THSD7B: variants seen among roughly 807,000 people sequenced by gnomAD.
The protein encoded by THSD7B is thrombospondin type-1 domain-containing protein 7B.
Under a neutral mutation model 213.6 loss-of-function variants are expected in THSD7B, and 138 were observed. The observed-to-expected ratio is 0.65, with a 90% confidence interval of 0.56 to 0.74. The LOEUF (loss-of-function observed/expected upper bound fraction) is 0.74. THSD7B is among the 30% of genes least tolerant of loss of function. The pLI, the probability that THSD7B is intolerant of heterozygous loss-of-function variation, is 0.00. For missense variants in THSD7B, 1,931 were observed against 1,991.5 expected (o/e 0.97, Z 0.58); for synonymous variants, 742 against 687.0 (o/e 1.08, Z -1.25).
intron 12 of THSD7B, among the ~76,000 whole-genome samples, chr2:137,295,699 C>A (rs938485537): frequency 2.0e-5 from 3 of 152,070 alleles, no homozygotes; most frequent in Non-Finnish European, 1.5e-5. Context: ...TGGTCTTGAT[C>A]TCCTGATCTC....
intron 5 of THSD7B, among the ~76,000 whole-genome samples, chr2:137,140,717 A>G (rs1175214639): frequency 2.0e-5 from 3 of 152,170 alleles, no homozygotes; most frequent in Non-Finnish European, 1.5e-5. Context: ...TTTTATGATA[A>G]GAACTGTTTT....
chr2:137,272,712 C>G (rs566404839), intron 11 of THSD7B, 50 bp downstream of exon 11: 46 of 1,575,072 alleles, frequency 2.9e-5, no homozygotes, highest in Non-Finnish European at 3.5e-5. Context: ...TAAATTATAA[C>G]CTATTTTCTT....
Position 137,444,677 on chromosome 2 carries a change from T to A in THSD7B, c.2960-6168T>A, listed in dbSNP as rs558557308. Among the ~76,000 whole-genome samples, 1,333 of 151,892 alleles carry A rather than the reference T, an allele frequency of 8.8e-3. 14 individuals are homozygous for A. The highest frequency in any genetic ancestry group is 0.031 in the African/African-American group (1,268 of 41,492). ...AACTATAAAACTACTAAAAGAAAAC[T>A]TTGGGAAAATGCTCCAGGACATTGG... On this transcript the variant is annotated intron_variant, in intron 14 of 27. Transcript: ENST00000409968.
rs1284778769 is a variant in THSD7B, at chr2:137,618,432, T to C, written c.3606T>C (p.Gly1202=). 5 of 1,613,736 alleles carry C rather than the reference T, an allele frequency of 3.1e-6. No homozygotes were observed. The South Asian group carries it at 5.5e-5, about 18-fold the overall frequency. The change falls in exon 19 of 28, where the codon GGT becomes GGC. Residue 1202 remains glycine, a synonymous_variant. Coordinates refer to ENST00000409968, the MANE Select transcript of THSD7B (RefSeq NM_001316349.2). The stretch of plus-strand genomic sequence containing the variant: ...AGCTGAGTGAAAACGCACCCTGTGG[T>C]CAAGGCGTCAGGACCCGCCTGCTAA... ...TCQLSENAPC[G]QGVRTRLLSC...
intron 2 of THSD7B, among the ~76,000 whole-genome samples, chr2:136,935,605 T>C (rs992818898): frequency 1.3e-5 from 2 of 152,086 alleles, no homozygotes; most frequent in Non-Finnish European, 2.9e-5. Flanking sequence ...AATCCATGGA[T>C]TAAAAGACAT....
chr2:136,879,849 A>G (rs962893912), intron 1 of THSD7B, among the ~76,000 whole-genome samples: 6 of 152,190 alleles, frequency 3.9e-5, no homozygotes, highest in African/African-American at 1.4e-4. Context: ...TAAACCAACA[A>G]AGATCAAAAG....
chr2:137,195,792 A>C (rs969953544), intron 7 of THSD7B, among the ~76,000 whole-genome samples: 1 of 152,196 alleles, frequency 6.6e-6, no homozygotes, highest in Non-Finnish European at 1.5e-5. Flanking sequence ...GTCAGGCAAG[A>C]ATCATCAACG....
chr2:137,005,885 T>C (rs1686097605), intron 2 of THSD7B, among the ~76,000 whole-genome samples: 2 of 152,206 alleles, frequency 1.3e-5, no homozygotes, highest in Admixed American at 6.5e-5. Flanking sequence ...AAAACTCATT[T>C]AACATTTTAT....
At chr2:137,501,163 C>G (rs1241928771) in intron 15 of THSD7B, among the ~76,000 whole-genome samples, 1 of 152,106 alleles carries the variant, frequency 6.6e-6, no homozygotes, top group African/African-American at 2.4e-5. Flanking sequence ...AATCATAAAA[C>G]TAAACATTCA....
intron 17 of THSD7B, among the ~76,000 whole-genome samples, chr2:137,587,535 T>C (rs564082479): frequency 6.6e-6 from 1 of 152,348 alleles, no homozygotes; most frequent in Non-Finnish European, 1.5e-5. Flanking sequence ...CCTTTCTGTT[T>C]GTTAGTTTTC....
intron 12 of THSD7B, among the ~76,000 whole-genome samples, chr2:137,352,246 C>T (rs1685030999): frequency 6.6e-6 from 1 of 151,666 alleles, no homozygotes; most frequent in South Asian, 2.1e-4. Flanking sequence ...CTTTTCAGGG[C>T]AAGAAAAATC....
At chr2:137,574,046 A>G (rs189556070) in intron 17 of THSD7B, among the ~76,000 whole-genome samples, 1 of 152,264 alleles carries the variant, frequency 6.6e-6, no homozygotes, top group Non-Finnish European at 1.5e-5. Context: ...ATCAACCTAT[A>G]GAAGAATTAG....
intron 12 of THSD7B, among the ~76,000 whole-genome samples, chr2:137,390,733 T>C (rs1686005193): frequency 6.6e-6 from 1 of 152,210 alleles, no homozygotes; most frequent in Admixed American, 6.5e-5. Flanking sequence ...TTGAGAGTTT[T>C]TATTATGAAG....
At chr2:136,838,122 A>G (rs957495159) in intron 1 of THSD7B, among the ~76,000 whole-genome samples, 1 of 152,190 alleles carries the variant, frequency 6.6e-6, no homozygotes, top group East Asian at 1.9e-4. Context: ...ACCTGTTATT[A>G]TTGCCTTTGA....
chr2:137,360,144 G>A (rs1685221717), intron 12 of THSD7B, among the ~76,000 whole-genome samples: 1 of 152,124 alleles, frequency 6.6e-6, no homozygotes, highest in Non-Finnish European at 1.5e-5. Flanking sequence ...CGGAAACCGT[G>A]GCTCATAACT....
intron 2 of THSD7B, among the ~76,000 whole-genome samples, chr2:136,924,497 T>C (rs1267750133): frequency 1.3e-5 from 2 of 152,228 alleles, no homozygotes; most frequent in Non-Finnish European, 2.9e-5. Flanking sequence ...AAAAATCATT[T>C]GGCCATTATT....
intron 12 of THSD7B, among the ~76,000 whole-genome samples, chr2:137,399,537 T>C (rs1046381681): frequency 1.3e-5 from 2 of 152,150 alleles, no homozygotes; most frequent in African/African-American, 4.8e-5. Context: ...TTCTGGCCTG[T>C]GAGTATTCTG....
intron 9 of THSD7B, among the ~76,000 whole-genome samples, chr2:137,238,622 C>T (rs1269000913): frequency 1.5e-5 from 2 of 132,494 alleles, no homozygotes; most frequent in Admixed American, 8.5e-5. Flanking sequence ...GGCGCAATCT[C>T]GGCTCACTGC....
chr2:137,113,988 G>A (rs1221812638), intron 4 of THSD7B, among the ~76,000 whole-genome samples: 1 of 152,162 alleles, frequency 6.6e-6, no homozygotes, highest in Non-Finnish European at 1.5e-5. Flanking sequence ...TTTTTAGAAT[G>A]ATGACATTCA....
Sources: gnomAD v4.1 joint callset for allele counts (sites outside exome capture counted in the v4.1 genomes callset) on GRCh38, gnomAD v4.1.1 for gene constraint, MANE v1.5 for transcripts, NCBI Gene and HGNC (gene_info 2026-07-23, HGNC 2026-07-21) for gene names.